SASH1: variants seen among roughly 807,000 people sequenced by gnomAD.
The protein encoded by SASH1 is SAM and SH3 domain containing 1, also known as SAM and SH3 domain-containing protein 1.
A neutral mutation model predicts 125.2 loss-of-function variants in SASH1; 44 were observed. The observed-to-expected ratio is 0.35, with a 90% CI of 0.28 to 0.45. The LOEUF is 0.45. SASH1 is among the 20% of genes least tolerant of loss of function. The pLI, the probability that SASH1 is intolerant of heterozygous loss-of-function variation, is 1.00. For synonymous variants in SASH1, 639 were observed against 649.1 expected (o/e 0.98, Z 0.24); for missense variants, 1,426 against 1,614.5 (o/e 0.88, Z 2.00).
intron 1 of SASH1, among the ~76,000 whole-genome samples, chr6:148,373,883 G>T (rs1782789607): frequency 6.6e-6 from 1 of 152,236 alleles, no homozygotes; most frequent in Admixed American, 6.5e-5. Flanking sequence ...TGAGGCAGGA[G>T]AATTGCTTGA....
intron 8 of SASH1, among the ~76,000 whole-genome samples, chr6:148,502,613 A>C (rs6936012): frequency 0.037 from 5,680 of 152,216 alleles, 367 homozygotes; most frequent in African/African-American, 0.13. Context: ...AGGCAGTTGG[A>C]GAGATTATGA....
chr6:148,360,428 A>G (rs977533962), intron 1 of SASH1, among the ~76,000 whole-genome samples: 1 of 150,176 alleles, frequency 6.7e-6, no homozygotes, highest in Non-Finnish European at 1.5e-5. Flanking sequence ...GCTCACTGCA[A>G]CCTCCACCTC....
chr6:148,510,709 A>G lies in SASH1; in HGVS notation c.730-3615A>G, dbSNP rs567100933. ...TGGTGTATTTCCTGAATAAAAAGAC[A>G]TGCTGGCCAGCCATGGTGGTTCATG... On this transcript the variant is annotated intron_variant, in intron 8 of 19. Transcript: ENST00000367467. Among the ~76,000 whole-genome samples, 704 of 152,212 alleles carry G rather than the reference A, an allele frequency of 4.6e-3. 7 individuals carry two copies. Among genetic ancestry groups the G allele is most frequent in the African/African-American group, 0.016 (659 of 41,554 alleles).
At chr6:148,218,312 A>G in the SASH1 span, among the ~76,000 whole-genome samples, 5 of 152,228 alleles carry the variant, frequency 3.3e-5, no homozygotes, top group Non-Finnish European at 5.9e-5. Flanking sequence ...GCTAGTAAAC[A>G]CATCGCCACA....
At chr6:148,349,248 CTTTCTTTTTTTTTTT>C (rs936353368) in intron 1 of SASH1, among the ~76,000 whole-genome samples, 13 of 66,246 alleles carry the variant, frequency 2.0e-4, no homozygotes, top group African/African-American at 6.8e-4. Flanking sequence ...TTTCTTCTTT[CTTTCTTTTTTTTTTT>C]TTTTTTTTTT....
At chr6:148,478,628 G>T (rs1219993418) in intron 7 of SASH1, 1 of 152,106 alleles carries the variant, frequency 6.6e-6, no homozygotes, top group Non-Finnish European at 1.5e-5. Context: ...AGCACAACAG[G>T]GTGACTACAG....
chr6:148,541,573 G>A (rs1036740269), intron 17 of SASH1, among the ~76,000 whole-genome samples: 2 of 152,008 alleles, frequency 1.3e-5, no homozygotes. Context: ...AATGTAAAAT[G>A]TATTTCTTAC....
At chr6:148,216,360 C>T in the SASH1 span, among the ~76,000 whole-genome samples, 1 of 152,056 alleles carries the variant, frequency 6.6e-6, no homozygotes, top group African/African-American at 2.4e-5. Context: ...TTCTGTACTT[C>T]GTTGTGCTTG....
intron 7 of SASH1, among the ~76,000 whole-genome samples, chr6:148,483,188 T>G (rs1343971177): frequency 6.6e-6 from 1 of 152,156 alleles, no homozygotes; most frequent in African/African-American, 2.4e-5. Flanking sequence ...CTCAGGCTGC[T>G]TCCACTTATG....
Position 148,272,495 on chromosome 6 carries a change from C to G in SASH1, n.74+118C>G, listed in dbSNP as rs536622227. 119 of 378,676 alleles carry G rather than the reference C, an allele frequency of 3.1e-4. 1 individual carries two copies. Among genetic ancestry groups the G allele is most frequent in the South Asian group, 2.4e-3 (116 of 47,794 alleles). The allele number at this position is 378,676 out of a possible 1,614,324, so 23.5% of individuals were successfully genotyped here. ...ACAGGTATAAAGTAACTGTCAGTATCTAGGGATTTTCAGTGCTACTGATGA... is the reference window on the plus strand; with the variant it reads ...ACAGGTATAAAGTAACTGTCAGTATGTAGGGATTTTCAGTGCTACTGATGA... On this transcript the variant is annotated intron_variant and non_coding_transcript_variant, in intron 1 of 3. Coordinates refer to the SASH1 transcript ENST00000367469.
chr6:148,339,811 C>T (rs1473051551), upstream of SASH1, among the ~76,000 whole-genome samples: 2 of 152,136 alleles, frequency 1.3e-5, no homozygotes, highest in Admixed American at 6.6e-5. Flanking sequence ...TCCCAAAGTG[C>T]TGAGATTACA....
At chr6:148,419,561 A>T (rs924299482) in intron 2 of SASH1, among the ~76,000 whole-genome samples, 3 of 152,182 alleles carry the variant, frequency 2.0e-5, no homozygotes, top group African/African-American at 7.2e-5. Context: ...ACCATGTAGT[A>T]TTGGGGATGC....
At chr6:148,203,550 G>A in the SASH1 span, among the ~76,000 whole-genome samples, 1 of 152,126 alleles carries the variant, frequency 6.6e-6, no homozygotes, top group South Asian at 2.1e-4. Context: ...TGAGATCAGG[G>A]GCTGGATTTC....
chr6:148,400,126 G>GT (rs1784114789), intron 2 of SASH1, among the ~76,000 whole-genome samples: 1 of 152,244 alleles, frequency 6.6e-6, no homozygotes, highest in Admixed American at 6.5e-5. Flanking sequence ...CAGGCCCTCA[G>GT]AGTGGGTTTC....
intron 10 of SASH1, among the ~76,000 whole-genome samples, chr6:148,524,121 A>ATATATATATATATATATAT (rs1193506716): frequency 8.0e-4 from 103 of 128,574 alleles, no homozygotes; most frequent in Non-Finnish European, 1.5e-3. Flanking sequence ...ATATATATAT[A>ATATATATATATATATATAT]TTTTTTTTAA....
At chr6:148,516,437 A>T (rs1316272134) in intron 9 of SASH1, among the ~76,000 whole-genome samples, 1 of 151,974 alleles carries the variant, frequency 6.6e-6, no homozygotes, top group Non-Finnish European at 1.5e-5. Context: ...GGGAGAGGCT[A>T]TCTTGGCCCC....
chr6:148,434,396 A>G lies in SASH1; in HGVS notation c.286-5788A>G, dbSNP rs557520534. Among the ~76,000 whole-genome samples, 4 of 152,216 alleles carry G rather than the reference A, an allele frequency of 2.6e-5. No homozygotes were observed. The South Asian group carries it at 8.3e-4, about 32-fold the overall frequency. On this transcript the variant is annotated intron_variant, in intron 2 of 19. Transcript: ENST00000367467. ...GGCCTGGAGATCGTATTTTTAAGCT[A>G]ATCTTTCATCTTTAGAAAAAAGTAA... is the stretch of plus-strand genomic sequence containing the variant.
chr6:148,349,103 G>A (rs1413734175), intron 1 of SASH1, among the ~76,000 whole-genome samples: 2 of 152,120 alleles, frequency 1.3e-5, no homozygotes, highest in Non-Finnish European at 1.5e-5. Context: ...GAGGGACAAA[G>A]GTGGAAGGGC....
At chr6:148,309,404 T>A (rs1399344606) in intron 1 of SASH1, among the ~76,000 whole-genome samples, 1 of 152,158 alleles carries the variant, frequency 6.6e-6, no homozygotes, top group Non-Finnish European at 1.5e-5. Context: ...CTAGCTTATT[T>A]ACTCTAGGAT....
Sources: allele counts gnomAD v4.1 joint callset (sites outside exome capture counted in the v4.1 genomes callset), GRCh38; gene constraint gnomAD v4.1.1; transcripts MANE v1.5; gene names NCBI Gene and HGNC (gene_info 2026-07-23, HGNC 2026-07-21).